TRAK2: variants seen among roughly 807,000 people sequenced by gnomAD.
TRAK2 encodes trafficking kinesin-binding protein 2.
In TRAK2, 81 loss-of-function variants were observed where a neutral mutation model predicts 104.6. The ratio of observed to expected loss-of-function variants is 0.77; its 90% CI spans 0.65 to 0.93. The LOEUF (loss-of-function observed/expected upper bound fraction) is 0.93, where lower values mean the gene tolerates loss of function less well. Ranked by LOEUF, TRAK2 falls within the 40% of genes least tolerant of loss-of-function variation. The pLI is 0.00. For missense variants in TRAK2, 1,002 were observed against 1,089.0 expected (o/e 0.92, Z 1.12); for synonymous variants, 406 against 394.4 (o/e 1.03, Z -0.35).
Position 201,380,648 on chromosome 2 carries a change from TA to T in TRAK2, c.2639del (p.Leu880TyrfsTer2). On this transcript the variant is annotated frameshift_variant, in exon 16 of 16. Coordinates refer to ENST00000332624, the MANE Select transcript of TRAK2 (RefSeq NM_015049.3). LOFTEE classifies it high-confidence loss of function. ...TCTGATTCCTCCTTAGTCCACCTAA[TA>T]AACTGCTACCTGAATTTAAATAAAC... ...SAVYLNSGSS[L>X]LGGLRRNQSL... The T allele has an allele frequency of 6.2e-7, 1 of 1,614,100 alleles. No homozygotes were observed. The highest frequency in any genetic ancestry group is 1.1e-5 in the South Asian group (1 of 91,088).
intron 2 of TRAK2, among the ~76,000 whole-genome samples, chr2:201,419,747 G>A (rs1951724439): frequency 6.6e-6 from 1 of 152,090 alleles, no homozygotes; most frequent in Non-Finnish European, 1.5e-5. Flanking sequence ...AACAAACTTT[G>A]GGTTTTGATG....
chr2:201,437,325 C>CCT (rs1183422660), intron 1 of TRAK2, among the ~76,000 whole-genome samples: 3 of 151,536 alleles, frequency 2.0e-5, no homozygotes, highest in African/African-American at 4.9e-5. Context: ...TCTCATGGGC[C>CCT]CTCTCTCTCT....
At chr2:201,411,600 G>A in intron 2 of TRAK2, 1 of 781,862 alleles carries the variant, frequency 1.3e-6, no homozygotes, top group Non-Finnish European at 2.3e-6. Context: ...AATACTCAGG[G>A]GAATAAGATG....
Position 201,381,221 on chromosome 2 carries a change from TAAAAA to T in TRAK2, c.2070-8_2070-4del, listed in dbSNP as rs3832088. 3.3e-6 allele frequency: 5 copies of T among 1,520,404 alleles called. No individual in the cohort carries two copies. The African/African-American group carries it at 4.5e-5, about 14-fold the overall frequency. 94.2% of individuals were successfully genotyped at this position (1,520,404 alleles called of 1,614,324 possible). A position where few individuals can be genotyped will look rare whatever the true frequency, so the allele number is the denominator to read the frequency against. On this transcript the variant is annotated splice_polypyrimidine_tract_variant and splice_region_variant and intron_variant, in intron 15 of 15. Transcript: ENST00000332624. ...AGGATAATGAAGGGAACCCAGAGCT[TAAAAA>T]AAAAAAAAAAAAGTGGGAGACAGTG...
At chr2:201,450,329 C>T (rs577391259) in intron 1 of TRAK2, among the ~76,000 whole-genome samples, 1 of 151,886 alleles carries the variant, frequency 6.6e-6, no homozygotes, top group African/African-American at 2.4e-5. Context: ...GCAGGAGAAT[C>T]GCTTGAATCC....
chr2:201,439,453 C>T (rs1370413504), intron 1 of TRAK2, among the ~76,000 whole-genome samples: 1 of 151,492 alleles, frequency 6.6e-6, no homozygotes, highest in Non-Finnish European at 1.5e-5. Flanking sequence ...AGATGTTTTC[C>T]TCCTGAAGTT....
intron 1 of TRAK2, among the ~76,000 whole-genome samples, chr2:201,450,744 G>A (rs1292063367): frequency 6.6e-6 from 1 of 150,884 alleles, no homozygotes. Flanking sequence ...AGGTGCATGA[G>A]CAAGAGCAAG....
At position 201,420,425 on chromosome 2, in the gene TRAK2, C is replaced by G; in HGVS notation, c.83G>C (p.Ser28Thr). The G allele has an allele frequency of 6.2e-7, 1 of 1,613,734 alleles. No homozygotes were observed. Among genetic ancestry groups the G allele is most frequent in the Non-Finnish European group, 8.5e-7 (1 of 1,179,734 alleles). The change falls in exon 2 of 16, where the codon AGC (serine) becomes ACC (threonine). Residue 28 changes from serine to threonine, a missense_variant. Transcript: ENST00000332624. ...LMNSNHRDSESITDVCSNEDL... is the reference protein window; with the variant it reads ...LMNSNHRDSETITDVCSNEDL... ...TATTAAACTGGACTTACCAGTGATG[C>G]TCTCCGAGTCTCTGTGATTGCTATT...
At chr2:201,400,559 A>G (rs530802434) in intron 4 of TRAK2, among the ~76,000 whole-genome samples, 2 of 152,116 alleles carry the variant, frequency 1.3e-5, no homozygotes, top group South Asian at 4.1e-4. Context: ...CTGATTGCCA[A>G]CTAGAGGAGA....
rs996005288 is a variant in TRAK2 at position 201,378,169 on chromosome 2, G to A, written c.*2374C>T. 6.6e-6 allele frequency: 1 copy of A among 152,036 alleles called. No individual in the cohort carries two copies. Among genetic ancestry groups the A allele is most frequent in the Non-Finnish European group, 1.5e-5 (1 of 68,010 alleles). 9.4% of individuals were successfully genotyped at this position (152,036 alleles called of 1,614,324 possible). A position where few individuals can be genotyped will look rare whatever the true frequency, so the allele number is the denominator to read the frequency against. Reference sequence around the variant, plus strand: ...CATTACACAACAGTATACACTTAAGGTGTTTCTGGTGGAACATCAACATCA... The same window carrying A: ...CATTACACAACAGTATACACTTAAGATGTTTCTGGTGGAACATCAACATCA... On this transcript the variant is annotated 3_prime_UTR_variant, in exon 16 of 16. Coordinates refer to ENST00000332624, the MANE Select transcript of TRAK2 (RefSeq NM_015049.3).
chr2:201,400,469 G>C (rs192859594), intron 4 of TRAK2, among the ~76,000 whole-genome samples: 2 of 152,098 alleles, frequency 1.3e-5, no homozygotes, highest in Admixed American at 6.6e-5. Flanking sequence ...GGAGAGCTGG[G>C]GGGAGAGGGG....
chr2:201,412,080 G>T, intron 2 of TRAK2: 1 of 1,122,016 alleles, frequency 8.9e-7, no homozygotes, highest in Non-Finnish European at 1.4e-6. Context: ...TTAAACACAG[G>T]GCCAAGTTCA....
chr2:201,390,947 TTATA>T (rs1951442739), intron 10 of TRAK2, among the ~76,000 whole-genome samples: 1 of 151,848 alleles, frequency 6.6e-6, no homozygotes, highest in African/African-American at 2.4e-5. Context: ...GAACTCATGA[TTATA>T]TATATTTATA....
At chr2:201,428,055 A>C (rs1309437108) in intron 1 of TRAK2, among the ~76,000 whole-genome samples, 1 of 151,818 alleles carries the variant, frequency 6.6e-6, no homozygotes, top group African/African-American at 2.4e-5. Flanking sequence ...TTCTTTGTAG[A>C]TTCTGGATAT....
intron 1 of TRAK2, among the ~76,000 whole-genome samples, chr2:201,444,778 T>C (rs1478849003): frequency 2.0e-5 from 3 of 151,978 alleles, no homozygotes; most frequent in Admixed American, 6.6e-5. Context: ...CCATTTTCTC[T>C]CTCCTCCTTG....
chr2:201,429,637 C>T (rs558441574), intron 1 of TRAK2, among the ~76,000 whole-genome samples: 2 of 152,300 alleles, frequency 1.3e-5, no homozygotes, highest in South Asian at 4.1e-4. Flanking sequence ...GATACCCTTT[C>T]TTCCACTTGA....
intron 3 of TRAK2, among the ~76,000 whole-genome samples, chr2:201,403,502 G>T (rs1951566864): frequency 6.6e-6 from 1 of 152,052 alleles, no homozygotes; most frequent in African/African-American, 2.4e-5. Context: ...ACATAAAAAA[G>T]ACCTTGTCTA....
Position 201,392,996 on chromosome 2 carries a change from T to G in TRAK2, c.1026A>C (p.Glu342Asp). ...RNMECLGMLH[E>D]SQEEIKELRS... The stretch of plus-strand genomic sequence containing the variant: ...GAAGTTCCTTTATTTCTTCTTGGGA[T>G]TCATGTAACATTCCTAGACACTCCA... Residue 342 changes from glutamate to aspartate, a missense_variant, in exon 10 of 16, where the codon GAA becomes GAC. By Grantham distance (45) the Glu-to-Asp change is conservative (BLOSUM62 2). Transcript: ENST00000332624. 1 of 1,613,814 alleles carries G rather than the reference T, an allele frequency of 6.2e-7. No homozygotes were observed. The highest frequency in any genetic ancestry group is 2.2e-5 in the East Asian group (1 of 44,844).
intron 4 of TRAK2, among the ~76,000 whole-genome samples, chr2:201,400,595 T>C (rs373868412): frequency 1.3e-5 from 2 of 151,926 alleles, no homozygotes; most frequent in Non-Finnish European, 2.9e-5. Flanking sequence ...AAAAATGCCA[T>C]AGACAAAGTG....
Sources: gnomAD v4.1 joint callset for allele counts (sites outside exome capture counted in the v4.1 genomes callset) on GRCh38, gnomAD v4.1.1 for gene constraint, MANE v1.5 for transcripts, NCBI Gene and HGNC (gene_info 2026-07-23, HGNC 2026-07-21) for gene names.